MCTP1: variants seen among roughly 807,000 people sequenced by gnomAD.
The protein encoded by MCTP1 is multiple C2 and transmembrane domain containing 1, also known as multiple C2 and transmembrane domain-containing protein 1.
In MCTP1, 69 loss-of-function variants were observed where a neutral mutation model predicts 120.6. The observed-to-expected ratio is 0.57, with a 90% CI of 0.47 to 0.70. The LOEUF (loss-of-function observed/expected upper bound fraction) is 0.70. Among genes scored for constraint, MCTP1 ranks in the 30% least tolerant of loss-of-function variants. The probability of loss-of-function intolerance (pLI) is 0.00; values close to 1 mark genes in which losing one functional copy is unlikely to be tolerated. For synonymous variants in MCTP1, 529 were observed against 493.1 expected (o/e 1.07, Z -0.96); for missense variants, 1,203 against 1,248.8 (o/e 0.96, Z 0.55).
intron 2 of MCTP1, among the ~76,000 whole-genome samples, chr5:94,969,552 T>C (rs1343147057): frequency 6.6e-6 from 1 of 151,936 alleles, no homozygotes; most frequent in Non-Finnish European, 1.5e-5. Context: ...TAAGTCTTCA[T>C]CGAAAACAAT....
intron 17 of MCTP1, among the ~76,000 whole-genome samples, chr5:94,845,637 T>C (rs1026002407): frequency 6.6e-6 from 1 of 152,146 alleles, no homozygotes; most frequent in Non-Finnish European, 1.5e-5. Flanking sequence ...CTCCCCTTCC[T>C]GGGCTCAAAC....
chr5:95,131,940 C>G (rs368067947), intron 1 of MCTP1, among the ~76,000 whole-genome samples: 1 of 152,098 alleles, frequency 6.6e-6, no homozygotes, highest in Non-Finnish European at 1.5e-5. Context: ...TGCTATTACT[C>G]AAAAATATTT....
At position 95,168,291 on chromosome 5, in the gene MCTP1, T is replaced by A. The variant is rs1188722115; in HGVS notation, c.720+115565A>T. Reference sequence around the variant, plus strand: ...GGTACCAGTACCATGCTGTTTTGGTTACTGTAGCCTTGTAGTGTAGTTTGA... The same window carrying A: ...GGTACCAGTACCATGCTGTTTTGGTAACTGTAGCCTTGTAGTGTAGTTTGA... On this transcript the variant is annotated intron_variant, in intron 1 of 22. Transcript: ENST00000515393. Among the ~76,000 whole-genome samples, 3 of 152,220 alleles carry A rather than the reference T, an allele frequency of 2.0e-5. No homozygotes were observed. The East Asian group carries it at 5.8e-4, about 29-fold the overall frequency.
intron 6 of MCTP1, chr5:94,931,339 T>A (rs1477155455): frequency 6.6e-6 from 1 of 152,172 alleles, no homozygotes; most frequent in East Asian, 1.9e-4. Flanking sequence ...TTGTTTCATC[T>A]TGATATCGAT....
intron 1 of MCTP1, among the ~76,000 whole-genome samples, chr5:95,136,336 G>T (rs916612153): frequency 6.6e-6 from 1 of 152,120 alleles, no homozygotes; most frequent in Non-Finnish European, 1.5e-5. Context: ...CCTTTGGGCT[G>T]GTCTCTTAAG....
chr5:94,921,192 A>T (rs1423410315), intron 7 of MCTP1, among the ~76,000 whole-genome samples: 1 of 152,212 alleles, frequency 6.6e-6, no homozygotes, highest in Non-Finnish European at 1.5e-5. Context: ...AATCTGATTC[A>T]CATAATTTTT....
At chr5:94,781,323 T>C (rs1413312754) in intron 18 of MCTP1, among the ~76,000 whole-genome samples, 3 of 152,032 alleles carry the variant, frequency 2.0e-5, no homozygotes, top group Admixed American at 6.6e-5. Context: ...GGCAGGATGG[T>C]GGTGGGCTGT....
At chr5:94,879,575 C>T (rs1367866760) in intron 12 of MCTP1, among the ~76,000 whole-genome samples, 2 of 152,016 alleles carry the variant, frequency 1.3e-5, no homozygotes, top group Non-Finnish European at 2.9e-5. Context: ...TGGGCTATAT[C>T]TATCAAAATG....
intron 17 of MCTP1, among the ~76,000 whole-genome samples, chr5:94,812,454 C>CG (rs1783624887): frequency 1.4e-5 from 1 of 72,750 alleles, no homozygotes; most frequent in African/African-American, 5.8e-5. Flanking sequence ...GTCAGGGATA[C>CG]GAAAAAAAAA....
At chr5:95,100,297 T>A (rs1756633433) in intron 1 of MCTP1, among the ~76,000 whole-genome samples, 2 of 151,848 alleles carry the variant, frequency 1.3e-5, no homozygotes, top group South Asian at 2.1e-4. Flanking sequence ...TAAAAAAAAA[T>A]ATTTGCTTCA....
intron 1 of MCTP1, among the ~76,000 whole-genome samples, chr5:95,098,624 A>T (rs1756461311): frequency 1.3e-5 from 2 of 151,886 alleles, no homozygotes; most frequent in South Asian, 4.2e-4. Flanking sequence ...ATAAAAGAGG[A>T]TACAAACAAA....
intron 1 of MCTP1, among the ~76,000 whole-genome samples, chr5:95,056,366 C>G (rs1747392795): frequency 6.6e-6 from 1 of 152,142 alleles, no homozygotes; most frequent in Admixed American, 6.5e-5. Context: ...GCTGGGTAAT[C>G]AGATCACGGT....
Position 95,085,150 on chromosome 5 carries a change from T to C in MCTP1, c.721-67666A>G, listed in dbSNP as rs574169994. On this transcript the variant is annotated intron_variant, in intron 1 of 22. Transcript: ENST00000515393. ...TTCTGGAAGAAGTAAACCATTATATTAATAGACACATCTGAAGCCTCCATA... is the reference window on the plus strand; with the variant it reads ...TTCTGGAAGAAGTAAACCATTATATCAATAGACACATCTGAAGCCTCCATA... Among the ~76,000 whole-genome samples, 119 of 152,228 alleles carry C rather than the reference T, an allele frequency of 7.8e-4. 2 individuals carry two copies. The highest frequency in any genetic ancestry group is 3.4e-3 in the Middle Eastern group (1 of 292).
At chr5:94,911,548 T>C (rs469942) in intron 9 of MCTP1, among the ~76,000 whole-genome samples, 85,477 of 151,938 alleles carry the variant, frequency 0.56, 25,716 homozygotes, top group Non-Finnish European at 0.68. Flanking sequence ...TAGAAAGACA[T>C]GCTTGATTCC....
At position 94,789,933 on chromosome 5, in the gene MCTP1, C is replaced by A. The variant is rs532359099; in HGVS notation, c.2556+9080G>T. ...AAGATCAGACTAAAATATTTTCATT[C>A]AAACATTTTTTGAGTAACTCAGAGC... On this transcript the variant is annotated intron_variant, in intron 18 of 22. Transcript: ENST00000515393. 2.0e-5 allele frequency among the ~76,000 whole-genome samples: 3 copies of A among 152,162 alleles called. No homozygotes were observed. The East Asian group carries it at 5.8e-4, about 29-fold the overall frequency.
chr5:94,826,023 G>T, intron 17 of MCTP1: 1 of 318,448 alleles, frequency 3.1e-6, no homozygotes, highest in South Asian at 3.9e-5. Context: ...TCTACAAAAT[G>T]GGTGCTCTGT....
At chr5:94,932,641 G>A (rs1815080559) in intron 5 of MCTP1, among the ~76,000 whole-genome samples, 1 of 151,934 alleles carries the variant, frequency 6.6e-6, no homozygotes, top group Non-Finnish European at 1.5e-5. Context: ...CTAATCTCTT[G>A]AATAAACTAA....
At chr5:94,829,905 TC>T (rs1451445375) in intron 17 of MCTP1, among the ~76,000 whole-genome samples, 6 of 152,174 alleles carry the variant, frequency 3.9e-5, no homozygotes, top group African/African-American at 1.4e-4. Context: ...CTATCTCTCT[TC>T]TTGTATCATC....
chr5:95,115,778 G>A (rs1757784577), intron 1 of MCTP1, among the ~76,000 whole-genome samples: 1 of 152,050 alleles, frequency 6.6e-6, no homozygotes, highest in African/African-American at 2.4e-5. Flanking sequence ...CTGAGTACAA[G>A]AAGGTTATAG....
Sources: gnomAD v4.1 joint callset for allele counts (sites outside exome capture counted in the v4.1 genomes callset) on GRCh38, gnomAD v4.1.1 for gene constraint, MANE v1.5 for transcripts, NCBI Gene and HGNC (gene_info 2026-07-23, HGNC 2026-07-21) for gene names.